Variants in SERTAD2 observed in about 807,000 individuals in gnomAD.
SERTAD2 encodes SERTA domain containing 2.
SERTAD2 carries 2 observed loss-of-function variants against 15.4 expected under a neutral mutation model. The observed-to-expected ratio is 0.13, with a 90% CI of 0.05 to 0.41. SERTAD2 has a LOEUF of 0.41. Among genes scored for constraint, SERTAD2 ranks in the 10% least tolerant of loss-of-function variants. The pLI, the probability that SERTAD2 is intolerant of heterozygous loss-of-function variation, is 0.99. For missense variants in SERTAD2, 333 were observed against 409.7 expected (o/e 0.81, Z 1.62); for synonymous variants, 180 against 178.0 (o/e 1.01, Z -0.09).
intron 1 of SERTAD2, among the ~76,000 whole-genome samples, chr2:64,638,250 C>T (rs2104339697): frequency 6.6e-6 from 1 of 152,338 alleles, no homozygotes; most frequent in South Asian, 2.1e-4. Context: ...ACTGCTTCAG[C>T]TGATTGATCA....
chr2:64,641,217 G>A (rs1398600072), intron 1 of SERTAD2, among the ~76,000 whole-genome samples: 1 of 152,138 alleles, frequency 6.6e-6, no homozygotes, highest in Admixed American at 6.5e-5. Context: ...TACAATCTGG[G>A]TAGATGCTCA....
chr2:64,650,568 A>C (rs771364316), intron 1 of SERTAD2, among the ~76,000 whole-genome samples: 3 of 152,306 alleles, frequency 2.0e-5, no homozygotes, highest in East Asian at 3.9e-4. Flanking sequence ...CACACAGGGC[A>C]TAAGTTTGCC....
At chr2:64,637,601 T>G (rs1397127067) in intron 1 of SERTAD2, among the ~76,000 whole-genome samples, 1 of 152,246 alleles carries the variant, frequency 6.6e-6, no homozygotes, top group South Asian at 2.1e-4. Flanking sequence ...ACAGTTATGT[T>G]TGAAGACAAC....
intron 1 of SERTAD2, among the ~76,000 whole-genome samples, chr2:64,637,771 G>T (rs1674690898): frequency 6.6e-6 from 1 of 152,194 alleles, no homozygotes; most frequent in African/African-American, 2.4e-5. Flanking sequence ...GTAATGGGTT[G>T]AATTTTAAAA....
chr2:64,640,795 G>A (rs552368042), intron 1 of SERTAD2, among the ~76,000 whole-genome samples: 1 of 152,238 alleles, frequency 6.6e-6, no homozygotes, highest in Non-Finnish European at 1.5e-5. Context: ...TTTTTCTAAA[G>A]ACCCAAAGTG....
rs373056105 is a variant in SERTAD2, at chr2:64,635,524, G to GAT, written c.*401_*402dup. On this transcript the variant is annotated 3_prime_UTR_variant, in exon 2 of 2. Transcript: ENST00000313349. Reference sequence around the variant, plus strand: ...AAAGGTACTGAGATTATCTAAATAAGATATATATATATAGTTTTCTTCTTT... The same window carrying GAT: ...AAAGGTACTGAGATTATCTAAATAAGATATATATATATATAGTTTTCTTCTTT... 3.7e-4 allele frequency: 60 copies of GAT among 161,662 alleles called. No individual in the cohort carries two copies. Among genetic ancestry groups the GAT allele is most frequent in the South Asian group, 9.6e-4 (6 of 6,268 alleles). The allele number at this position is 161,662 out of a possible 1,614,324, so 10.0% of individuals were successfully genotyped here.
At chr2:64,643,755 A>G (rs2422276) in intron 1 of SERTAD2, among the ~76,000 whole-genome samples, 58,732 of 152,026 alleles carry the variant, frequency 0.39, 12,134 homozygotes, top group Admixed American at 0.46. Flanking sequence ...AGTCCCAGCT[A>G]CTCAGGAGGC....
At chr2:64,648,047 TTTAC>T (rs1327732857) in intron 1 of SERTAD2, among the ~76,000 whole-genome samples, 3 of 152,212 alleles carry the variant, frequency 2.0e-5, no homozygotes, top group South Asian at 4.1e-4. Context: ...TGTTGTTTCT[TTTAC>T]TTACTGTGTA....
chr2:64,646,151 A>AC (rs5831713), intron 1 of SERTAD2, among the ~76,000 whole-genome samples: 139,196 of 152,178 alleles, frequency 0.91, 63,729 homozygotes, highest in African/African-American at 0.94. Context: ...AAACAAACAA[A>AC]AAAAAACCCA....
intron 1 of SERTAD2, among the ~76,000 whole-genome samples, chr2:64,639,226 T>A (rs1293710818): frequency 6.6e-6 from 1 of 152,244 alleles, no homozygotes; most frequent in African/African-American, 2.4e-5. Flanking sequence ...GGTGCCTGTC[T>A]GCGAACTGTT....
Position 64,632,713 on chromosome 2 carries a change from A to C in SERTAD2, c.*3214T>G, listed in dbSNP as rs536357398. On this transcript the variant is annotated 3_prime_UTR_variant, in exon 2 of 2. Coordinates refer to ENST00000313349, the MANE Select transcript of SERTAD2 (RefSeq NM_014755.3). The stretch of plus-strand genomic sequence containing the variant: ...AAAATGAATGCGGACTGTGCATACA[A>C]TGAGAAGACCTGGGGGCCTGGCTTG... 1 of 152,792 alleles carries C rather than the reference A, an allele frequency of 6.5e-6. No individual in the cohort carries two copies. The highest frequency in any genetic ancestry group is 1.9e-4 in the East Asian group (1 of 5,192). The allele number at this position is 152,792 out of a possible 1,614,324, so 9.5% of individuals were successfully genotyped here. A position where few individuals can be genotyped will look rare whatever the true frequency, so the allele number is the denominator to read the frequency against.
rs1172693107 is a variant in SERTAD2 at position 64,634,125 on chromosome 2, A to G, written c.*1802T>C. The G allele has an allele frequency of 6.6e-6, 1 of 152,436 alleles. No homozygotes were observed. Among genetic ancestry groups the G allele is most frequent in the Non-Finnish European group, 1.5e-5 (1 of 68,040 alleles). 9.4% of individuals were successfully genotyped at this position (152,436 alleles called of 1,614,324 possible). A position where few individuals can be genotyped will look rare whatever the true frequency, so the allele number is the denominator to read the frequency against. ...CAACAACAAAGACAACAACAACAAC[A>G]AAACATCCCATAATTTAAAAATTTT... On this transcript the variant is annotated 3_prime_UTR_variant, in exon 2 of 2. Coordinates refer to ENST00000313349, the MANE Select transcript of SERTAD2 (RefSeq NM_014755.3).
At chr2:64,648,061 A>G (rs968897748) in intron 1 of SERTAD2, among the ~76,000 whole-genome samples, 1 of 152,234 alleles carries the variant, frequency 6.6e-6, no homozygotes, top group Non-Finnish European at 1.5e-5. Flanking sequence ...CTTACTGTGT[A>G]AAACTGAACA....
intron 1 of SERTAD2, among the ~76,000 whole-genome samples, chr2:64,650,408 T>A (rs1292253077): frequency 1.3e-5 from 2 of 150,584 alleles, no homozygotes; most frequent in Non-Finnish European, 2.9e-5. Flanking sequence ...AGAATAGGAA[T>A]GTCGTCTTAT....
rs1024377313 is a variant in SERTAD2 at position 64,639,228 on chromosome 2, C to T, written c.-4-2353G>A. ...TGTGGCCACAGATGGTGCCTGTCTG[C>T]GAACTGTTACTGGTCCACGATGAGG... On this transcript the variant is annotated intron_variant, in intron 1 of 1. Transcript: ENST00000313349. Among the ~76,000 whole-genome samples the T allele has an allele frequency of 6.6e-5, 10 of 152,132 alleles. No individual in the cohort carries two copies. In the East Asian group the frequency reaches 1.3e-3, roughly 20 times the overall value.
At chr2:64,652,090 G>C (rs1262721030) in intron 1 of SERTAD2, among the ~76,000 whole-genome samples, 1 of 151,040 alleles carries the variant, frequency 6.6e-6, no homozygotes, top group Non-Finnish European at 1.5e-5. Flanking sequence ...GAAGCTAAAG[G>C]AAAACTTTTA....
intron 1 of SERTAD2, among the ~76,000 whole-genome samples, chr2:64,652,590 C>A (rs1014623606): frequency 1.2e-4 from 18 of 152,224 alleles, no homozygotes; most frequent in African/African-American, 4.3e-4. Context: ...CATGTACTCT[C>A]TACCCTAAGC....
intron 1 of SERTAD2, among the ~76,000 whole-genome samples, chr2:64,640,673 G>A (rs373827902): frequency 1.3e-5 from 2 of 152,102 alleles, no homozygotes; most frequent in Non-Finnish European, 2.9e-5. Context: ...CACGAAAGGG[G>A]GGCCTGTGAC....
At chr2:64,652,819 A>G (rs1443522778) in intron 1 of SERTAD2, among the ~76,000 whole-genome samples, 1 of 150,236 alleles carries the variant, frequency 6.7e-6, no homozygotes, top group African/African-American at 2.5e-5. Flanking sequence ...CTCCCATCGC[A>G]ATCTATTACT....
Sources: allele counts gnomAD v4.1 joint callset (sites outside exome capture counted in the v4.1 genomes callset), GRCh38; gene constraint gnomAD v4.1.1; transcripts MANE v1.5; gene names NCBI Gene and HGNC (gene_info 2026-07-23, HGNC 2026-07-21).